The following PRIM2 variants were observed in gnomAD, a reference collection of about 807,000 sequenced individuals.
PRIM2 encodes the protein DNA primase subunit 2.
Under a neutral mutation model 67.3 loss-of-function variants are expected in PRIM2, and 39 were observed. The observed-to-expected ratio is 0.58, with a 90% CI of 0.45 to 0.76. The LOEUF is 0.76. Among genes scored for constraint, PRIM2 ranks in the 30% least tolerant of loss-of-function variants. The pLI is 0.00. For synonymous variants in PRIM2, 143 were observed against 198.7 expected, an observed-to-expected ratio of 0.72 and a Z score of 2.36; for missense variants, 398 against 598.7, an observed-to-expected ratio of 0.66 and a Z score of 3.50.
chr6:57,505,626 C>T (rs1774234320), intron 7 of PRIM2, among the ~76,000 whole-genome samples: 1 of 152,094 alleles, frequency 6.6e-6, no homozygotes, highest in Non-Finnish European at 1.5e-5. Flanking sequence ...GAAAATTTCA[C>T]TCTGACCTTG....
At chr6:57,542,404 T>A (rs1190428006) in intron 10 of PRIM2, among the ~76,000 whole-genome samples, 1 of 149,980 alleles carries the variant, frequency 6.7e-6, no homozygotes, top group Non-Finnish European at 1.5e-5. Context: ...CACCAGCCTA[T>A]GTGGACACTT....
At chr6:57,455,583 GTTTTAT>G (rs1772740185) in intron 7 of PRIM2, among the ~76,000 whole-genome samples, 1 of 152,136 alleles carries the variant, frequency 6.6e-6, no homozygotes, top group Non-Finnish European at 1.5e-5. Context: ...TTTAAAGTCT[GTTTTAT>G]CAGAGACTAG....
chr6:57,269,000 A>T, the PRIM2 span, among the ~76,000 whole-genome samples: 1 of 150,772 alleles, frequency 6.6e-6, no homozygotes, highest in Non-Finnish European at 1.5e-5. Flanking sequence ...TCCATGGTGT[A>T]TATGTGCCAC....
At chr6:57,533,041 T>C (rs1236583480) in intron 9 of PRIM2, among the ~76,000 whole-genome samples, 5 of 152,072 alleles carry the variant, frequency 3.3e-5, no homozygotes, top group Admixed American at 6.6e-5. Flanking sequence ...CCCACCCCCA[T>C]GGCCTCCTTT....
rs1446703188 is a variant in PRIM2 at position 57,539,640 on chromosome 6, GTGTGTGTGTGTGTGTGTATA to G, written c.1020+2017_1020+2036del. On this transcript the variant is annotated intron_variant, in intron 10 of 13. Transcript: ENST00000615550. The stretch of plus-strand genomic sequence containing the variant: ...TGTGTGTGTGTGTGTGTGTGTGTGT[GTGTGTGTGTGTGTGTGTATA>G]TATATATATATATGCATTCACCAGG... 8.5e-5 allele frequency among the ~76,000 whole-genome samples: 6 copies of G among 70,954 alleles called. No homozygotes were observed. In the Admixed American group the frequency reaches 8.6e-4, roughly 10 times the overall value. 46.5% of individuals were successfully genotyped at this position (70,954 alleles called of 152,430 possible).
chr6:57,508,155 T>C (rs1441450145), intron 8 of PRIM2, among the ~76,000 whole-genome samples: 2 of 152,178 alleles, frequency 1.3e-5, no homozygotes, highest in African/African-American at 4.8e-5. Context: ...CAGACTGGTC[T>C]CGAACTCCTG....
chr6:57,634,194 G>A (rs1777081147), intron 13 of PRIM2, among the ~76,000 whole-genome samples: 1 of 152,176 alleles, frequency 6.6e-6, no homozygotes, highest in Admixed American at 6.5e-5. Flanking sequence ...GATAATGACA[G>A]CAGAGGTAAT....
chr6:57,344,027 G>A (rs1768589223), intron 5 of PRIM2, among the ~76,000 whole-genome samples: 1 of 152,112 alleles, frequency 6.6e-6, no homozygotes, highest in East Asian at 1.9e-4. Context: ...AACTTACTTA[G>A]CAGGATTCTC....
At chr6:57,403,249 ATTTTTTTTTT>A (rs71299587) in intron 7 of PRIM2, among the ~76,000 whole-genome samples, 10 of 110,204 alleles carry the variant, frequency 9.1e-5, no homozygotes, top group East Asian at 2.5e-4. Context: ...CAGGTGAAGA[ATTTTTTTTTT>A]TTTTTTTTTT....
At chr6:57,270,284 C>A in the PRIM2 span, among the ~76,000 whole-genome samples, 95 of 151,992 alleles carry the variant, frequency 6.3e-4, no homozygotes, top group African/African-American at 2.2e-3. Flanking sequence ...TCTTCCATTT[C>A]TTTGTATCCT....
chr6:57,348,023 T>C (rs1307515708), intron 5 of PRIM2, among the ~76,000 whole-genome samples: 1 of 152,142 alleles, frequency 6.6e-6, no homozygotes, highest in Non-Finnish European at 1.5e-5. Flanking sequence ...GCATTAACTA[T>C]AATTTTACTG....
chr6:57,240,086 A>G, the PRIM2 span, among the ~76,000 whole-genome samples: 1 of 118,094 alleles, frequency 8.5e-6, no homozygotes, highest in East Asian at 2.6e-4. Context: ...GGGGATCAAT[A>G]ATCTGTTTTT....
At chr6:57,382,710 G>A (rs1770004845) in intron 7 of PRIM2, 2 of 152,112 alleles carry the variant, frequency 1.3e-5, no homozygotes, top group African/African-American at 4.8e-5. Flanking sequence ...ACTCTTAAGT[G>A]GTGATATCTT....
At chr6:57,585,433 G>A (rs1381311010) in intron 10 of PRIM2, among the ~76,000 whole-genome samples, 4 of 152,176 alleles carry the variant, frequency 2.6e-5, no homozygotes, top group Non-Finnish European at 4.4e-5. Context: ...TCTGAATACA[G>A]CATAGACCAG....
chr6:57,227,513 G>A, the PRIM2 span, among the ~76,000 whole-genome samples: 8 of 151,664 alleles, frequency 5.3e-5, no homozygotes, highest in East Asian at 1.9e-4. Flanking sequence ...GCGTTGTGGC[G>A]CACGCCTGTA....
the PRIM2 span, among the ~76,000 whole-genome samples, chr6:57,261,370 A>G: frequency 6.6e-6 from 1 of 152,210 alleles, no homozygotes; most frequent in African/African-American, 2.4e-5. Flanking sequence ...GCTGCCAGAG[A>G]CAATACTTGA....
At chr6:57,304,079 C>T in the PRIM2 span, among the ~76,000 whole-genome samples, 3 of 152,306 alleles carry the variant, frequency 2.0e-5, no homozygotes, top group African/African-American at 7.2e-5. Flanking sequence ...TTAAGGCAAG[C>T]TGTGTCATTT....
At position 57,507,299 on chromosome 6, in the gene PRIM2, T is replaced by G. The variant is rs1774271005; in HGVS notation, c.694-88T>G. 3.4e-6 allele frequency: 3 copies of G among 876,634 alleles called. No individual in the cohort carries two copies. The Admixed American group carries it at 8.7e-5, about 25-fold the overall frequency. 54.3% of individuals were successfully genotyped at this position (876,634 alleles called of 1,614,324 possible). A position where few individuals can be genotyped will look rare whatever the true frequency, so the allele number is the denominator to read the frequency against. ...TATTTTTAAGTATTGCCTCCCTATC[T>G]GCCCTTCAGCTCGTTTTACATTTAG... On this transcript the variant is annotated intron_variant, in intron 7 of 13. Transcript: ENST00000615550.
intron 13 of PRIM2, among the ~76,000 whole-genome samples, chr6:57,639,383 G>T (rs1166227930): frequency 6.6e-6 from 1 of 151,756 alleles, no homozygotes; most frequent in African/African-American, 2.4e-5. Context: ...CTAGCAGATG[G>T]CAAGAAATAA....
Sources: allele counts gnomAD v4.1 joint callset (sites outside exome capture counted in the v4.1 genomes callset), GRCh38; gene constraint gnomAD v4.1.1; transcripts MANE v1.5; gene names NCBI Gene and HGNC (gene_info 2026-07-23, HGNC 2026-07-21).